The following PPARG variants were observed in gnomAD, a reference collection of about 807,000 sequenced individuals.
PPARG encodes the protein peroxisome proliferator-activated receptor gamma.
Under a neutral mutation model 39.2 loss-of-function variants are expected in PPARG, and 17 were observed. The observed-to-expected ratio is 0.43, with a 90% CI of 0.30 to 0.65. The LOEUF (loss-of-function observed/expected upper bound fraction) is 0.65. Among genes scored for constraint, PPARG ranks in the 30% least tolerant of loss-of-function variants. The probability of loss-of-function intolerance (pLI) is 0.13; values close to 1 mark genes in which losing one functional copy is unlikely to be tolerated. For synonymous variants in PPARG, 223 were observed against 215.7 expected, an observed-to-expected ratio of 1.03 and a Z score of -0.30; for missense variants, 406 against 585.9, an observed-to-expected ratio of 0.69 and a Z score of 3.17.
intron 7 of PPARG, 129 bp from the exon 8 acceptor site, chr3:12,433,769 A>T: frequency 7.6e-7 from 1 of 1,315,962 alleles, no homozygotes; most frequent in Non-Finnish European, 1.1e-6. Flanking sequence ...CCACCTATTT[A>T]AGATACAAAG....
intron 6 of PPARG, among the ~76,000 whole-genome samples, chr3:12,413,839 G>T (rs929851307): frequency 1.1e-4 from 15 of 142,626 alleles, no homozygotes; most frequent in African/African-American, 3.6e-4. Context: ...AAAAAAAAAT[G>T]AAATGGTTTG....
chr3:12,428,453 G>A (rs1011511187), intron 7 of PPARG, among the ~76,000 whole-genome samples: 1 of 152,364 alleles, frequency 6.6e-6, no homozygotes, highest in Admixed American at 6.5e-5. Context: ...CTTGGCCCTG[G>A]CCCTACTCCA....
At chr3:12,368,660 G>A (rs2049105764) in intron 2 of PPARG, among the ~76,000 whole-genome samples, 2 of 152,046 alleles carry the variant, frequency 1.3e-5, no homozygotes, top group Admixed American at 1.3e-4. Context: ...TAACAACATA[G>A]GACTGTTTAC....
intron 2 of PPARG, among the ~76,000 whole-genome samples, chr3:12,333,813 A>T (rs374752626): frequency 6.6e-6 from 1 of 152,150 alleles, no homozygotes; most frequent in African/African-American, 2.4e-5. Context: ...AGTGACGCAG[A>T]TAGGAAATAA....
intron 6 of PPARG, among the ~76,000 whole-genome samples, chr3:12,412,043 G>A (rs1446293152): frequency 1.3e-5 from 2 of 152,230 alleles, no homozygotes; most frequent in Non-Finnish European, 2.9e-5. Context: ...TTGTTTGAGA[G>A]AGGGTAGAGG....
At chr3:12,417,215 G>T (rs746953199) in intron 7 of PPARG, 61 bp downstream of exon 7, 36 of 1,543,096 alleles carry the variant, frequency 2.3e-5, no homozygotes, top group Middle Eastern at 1.7e-4. Flanking sequence ...GTGGCCAAAA[G>T]AATTTTGGAT....
chr3:12,326,232 C>A (rs1463663738), intron 2 of PPARG, among the ~76,000 whole-genome samples: 1 of 152,092 alleles, frequency 6.6e-6, no homozygotes. Context: ...TGAAGTATGA[C>A]AATATAGTTT....
At chr3:12,340,279 C>G (rs917820793) in intron 2 of PPARG, among the ~76,000 whole-genome samples, 4 of 152,192 alleles carry the variant, frequency 2.6e-5, no homozygotes, top group Non-Finnish European at 5.9e-5. Context: ...TGCCTCCTTC[C>G]GTCTTCTCAT....
intron 7 of PPARG, among the ~76,000 whole-genome samples, chr3:12,433,097 T>G (rs1400091341): frequency 6.6e-6 from 1 of 152,268 alleles, no homozygotes; most frequent in Non-Finnish European, 1.5e-5. Flanking sequence ...ATATGCCATA[T>G]TAAGCAAACA....
intron 5 of PPARG, among the ~76,000 whole-genome samples, chr3:12,397,024 T>C (rs1304814875): frequency 1.3e-5 from 2 of 152,134 alleles, no homozygotes; most frequent in African/African-American, 4.8e-5. Flanking sequence ...AGAGAAGAAT[T>C]GACATGTTAT....
At chr3:12,381,538 T>A in intron 4 of PPARG, 47 bp downstream of exon 4, 1 of 1,585,472 alleles carries the variant, frequency 6.3e-7, no homozygotes, top group Non-Finnish European at 8.6e-7. Context: ...ACTTTATTAT[T>A]TCATTTCAGC....
chr3:12,328,004 T>C (rs1214029368), intron 2 of PPARG: 2 of 903,608 alleles, frequency 2.2e-6, no homozygotes, highest in South Asian at 1.3e-5. Flanking sequence ...ACCTACTGTA[T>C]AGTGATTGAA....
chr3:12,356,859 G>C lies in PPARG; in HGVS notation c.-8-22845G>C, dbSNP rs2048681822. On this transcript the variant is annotated intron_variant, in intron 2 of 7. Transcript: ENST00000651735. Reference sequence around the variant, plus strand: ...CCGACCCACCCTTGCTCCAAGCCTAGTATGTCTTGAAATGCCTTTCCTAAT... The same window carrying C: ...CCGACCCACCCTTGCTCCAAGCCTACTATGTCTTGAAATGCCTTTCCTAAT... Among the ~76,000 whole-genome samples, 2 of 152,108 alleles carry C rather than the reference G, an allele frequency of 1.3e-5. 1 individual carries two copies. The highest frequency in any genetic ancestry group is 4.1e-4 in the South Asian group (2 of 4,824).
chr3:12,429,626 A>G (rs1044619535), intron 7 of PPARG, among the ~76,000 whole-genome samples: 4 of 151,170 alleles, frequency 2.6e-5, no homozygotes, highest in Non-Finnish European at 5.9e-5. Flanking sequence ...GCCAGTGTCT[A>G]GTAAGCAGAG....
At chr3:12,304,240 T>G (rs2047001148) in intron 1 of PPARG, among the ~76,000 whole-genome samples, 1 of 152,252 alleles carries the variant, frequency 6.6e-6, no homozygotes, top group Non-Finnish European at 1.5e-5. Context: ...TGGGGTTGAA[T>G]AAGACCAGGC....
intron 2 of PPARG, among the ~76,000 whole-genome samples, chr3:12,327,595 G>A (rs1437087986): frequency 1.3e-5 from 2 of 152,124 alleles, no homozygotes; most frequent in South Asian, 2.1e-4. Flanking sequence ...GAGGCAGCTG[G>A]CGCAGATGCT....
At chr3:12,359,578 T>C (rs112910506) in intron 2 of PPARG, among the ~76,000 whole-genome samples, 35 of 151,978 alleles carry the variant, frequency 2.3e-4, no homozygotes, top group African/African-American at 8.4e-4. Flanking sequence ...TGTTTAAAAA[T>C]ACAGTGTCCT....
intron 2 of PPARG, among the ~76,000 whole-genome samples, chr3:12,367,799 A>G (rs910155644): frequency 2.0e-5 from 3 of 152,020 alleles, no homozygotes; most frequent in Admixed American, 6.6e-5. Flanking sequence ...ACTTCAGCAC[A>G]GGGAGGTCGA....
chr3:12,382,302 C>T lies in PPARG; in HGVS notation c.390+811C>T, dbSNP rs190810038. Among the ~76,000 whole-genome samples the T allele has an allele frequency of 7.1e-4, 108 of 152,188 alleles. 1 individual carries two copies. Among genetic ancestry groups the T allele is most frequent in the African/African-American group, 2.2e-4 (9 of 41,518 alleles). On this transcript the variant is annotated intron_variant, in intron 4 of 7. Transcript: ENST00000651735. ...AAAAGGGTATTTTGGAAAATTCAGA[C>T]GTTTAGTAATTTATTGCTTAATTAT...
Sources: allele counts gnomAD v4.1 joint callset (sites outside exome capture counted in the v4.1 genomes callset), GRCh38; gene constraint gnomAD v4.1.1; transcripts MANE v1.5; gene names NCBI Gene and HGNC (gene_info 2026-07-23, HGNC 2026-07-21).